The following KCNIP4 variants were observed in gnomAD, a reference collection of about 807,000 sequenced individuals.
The protein encoded by KCNIP4 is Kv channel-interacting protein 4.
KCNIP4 carries 12 observed loss-of-function variants against 34.0 expected under a neutral mutation model. The observed-to-expected ratio is 0.35, with a 90% CI of 0.23 to 0.57. The LOEUF is 0.57. Among genes scored for constraint, KCNIP4 ranks in the 20% least tolerant of loss-of-function variants. The pLI, the probability that KCNIP4 is intolerant of heterozygous loss-of-function variation, is 0.83. For synonymous variants in KCNIP4, 124 were observed against 102.2 expected (o/e 1.21, Z -1.29); for missense variants, 238 against 311.7 (o/e 0.76, Z 1.78).
At chr4:21,452,063 G>A (rs994850648) in intron 1 of KCNIP4, among the ~76,000 whole-genome samples, 1 of 152,000 alleles carries the variant, frequency 6.6e-6, no homozygotes, top group Non-Finnish European at 1.5e-5. Context: ...CCTTCCAGAA[G>A]CTGGGAAGGA....
At chr4:21,882,883 T>C (rs16872041) in intron 1 of KCNIP4, among the ~76,000 whole-genome samples, 1,739 of 152,266 alleles carry the variant, frequency 0.011, 30 homozygotes, top group African/African-American at 0.039. Context: ...TCTGAGGTAC[T>C]ATAGTTTTGC....
intron 3 of KCNIP4, among the ~76,000 whole-genome samples, chr4:20,764,994 G>A (rs969522508): frequency 1.8e-4 from 28 of 152,148 alleles, no homozygotes; most frequent in African/African-American, 6.8e-4. Flanking sequence ...TAGACATGAG[G>A]ACAATGAGCT....
chr4:21,407,438 G>A lies in KCNIP4; in HGVS notation c.62-524729C>T, dbSNP rs535592616. On this transcript the variant is annotated intron_variant, in intron 1 of 8. Transcript: ENST00000382152. Reference sequence around the variant, plus strand: ...TTTTCCAAGGGAACGTAAGTGCCATGAAGTAGGAAATTTGTCTCTTTTTTT... The same window carrying A: ...TTTTCCAAGGGAACGTAAGTGCCATAAAGTAGGAAATTTGTCTCTTTTTTT... 6.4e-4 allele frequency among the ~76,000 whole-genome samples: 98 copies of A among 152,270 alleles called. 1 individual carries two copies. In the Middle Eastern group the frequency reaches 0.014, roughly 21 times the overall value.
intron 1 of KCNIP4, among the ~76,000 whole-genome samples, chr4:21,588,015 A>G (rs1741780417): frequency 6.6e-6 from 1 of 152,006 alleles, no homozygotes; most frequent in South Asian, 2.1e-4. Flanking sequence ...CTTAAAATCT[A>G]GCTTCCTGTT....
At chr4:21,147,956 A>AAAAAAAAAAAAAAAAAAAAAAAAAAT (rs1553945843) in intron 1 of KCNIP4, among the ~76,000 whole-genome samples, 1 of 128,418 alleles carries the variant, frequency 7.8e-6, no homozygotes, top group Non-Finnish European at 1.6e-5. Context: ...AAAAAAAAAA[A>AAAAAAAAAAAAAAAAAAAAAAAAAAT]AAAAGAAAAA....
intron 1 of KCNIP4, among the ~76,000 whole-genome samples, chr4:21,460,966 C>A (rs1197005796): frequency 6.6e-6 from 1 of 151,996 alleles, no homozygotes; most frequent in African/African-American, 2.4e-5. Context: ...AATACAGAAA[C>A]GGAGAGTCAA....
chr4:21,854,067 T>C (rs1286096951), intron 1 of KCNIP4, among the ~76,000 whole-genome samples: 19 of 152,210 alleles, frequency 1.2e-4, no homozygotes, highest in Admixed American at 1.2e-3. Flanking sequence ...TAACTGTTCA[T>C]AGCCCCAATA....
chr4:20,909,365 C>T (rs1297524699), intron 1 of KCNIP4, among the ~76,000 whole-genome samples: 1 of 152,182 alleles, frequency 6.6e-6, no homozygotes, highest in Non-Finnish European at 1.5e-5. Flanking sequence ...CCACGCTTCC[C>T]ATCATTAGAT....
intron 1 of KCNIP4, among the ~76,000 whole-genome samples, chr4:21,202,508 A>G (rs1756564778): frequency 6.6e-6 from 1 of 152,290 alleles, no homozygotes; most frequent in Middle Eastern, 3.4e-3. Flanking sequence ...AACAGGTTCA[A>G]TGGTACTCCA....
chr4:21,451,942 AT>A (rs1232105347), intron 1 of KCNIP4, among the ~76,000 whole-genome samples: 1 of 152,146 alleles, frequency 6.6e-6, no homozygotes, highest in Non-Finnish European at 1.5e-5. Flanking sequence ...ATTCTCATTC[AT>A]TTAAAAGAAA....
intron 1 of KCNIP4, among the ~76,000 whole-genome samples, chr4:21,046,975 A>G (rs1330836330): frequency 6.6e-6 from 1 of 152,210 alleles, no homozygotes; most frequent in African/African-American, 2.4e-5. Flanking sequence ...ATACAGAATG[A>G]GCCTACAGGA....
intron 1 of KCNIP4, among the ~76,000 whole-genome samples, chr4:21,125,226 A>G (rs537790719): frequency 2.8e-4 from 41 of 147,880 alleles, no homozygotes; most frequent in Admixed American, 2.3e-3. Context: ...ATTTTATTTT[A>G]TTTTATTGTG....
At chr4:21,282,459 A>AGT (rs34143880) in intron 1 of KCNIP4, among the ~76,000 whole-genome samples, 4,042 of 146,790 alleles carry the variant, frequency 0.028, 81 homozygotes, top group East Asian at 0.12. Context: ...AAGATGTGTG[A>AGT]GTGTGTGTGT....
At chr4:21,185,435 C>CTTCTTT (rs1454147454) in intron 1 of KCNIP4, among the ~76,000 whole-genome samples, 9 of 151,924 alleles carry the variant, frequency 5.9e-5, no homozygotes, top group African/African-American at 2.2e-4. Flanking sequence ...TCCTCTTCCT[C>CTTCTTT]TTCTTTTTCT....
intron 2 of KCNIP4, among the ~76,000 whole-genome samples, chr4:20,869,594 A>G (rs1171601270): frequency 1.3e-5 from 2 of 152,006 alleles, no homozygotes; most frequent in Non-Finnish European, 2.9e-5. Flanking sequence ...TCTTGGGTCT[A>G]TTTCCCACCT....
At chr4:21,286,665 T>C (rs914235120) in intron 1 of KCNIP4, among the ~76,000 whole-genome samples, 1 of 152,212 alleles carries the variant, frequency 6.6e-6, no homozygotes, top group African/African-American at 2.4e-5. Context: ...GTAACATTTA[T>C]GACATATGCT....
At chr4:21,521,114 C>G (rs1032552930) in intron 1 of KCNIP4, among the ~76,000 whole-genome samples, 16 of 152,154 alleles carry the variant, frequency 1.1e-4, no homozygotes, top group African/African-American at 3.9e-4. Flanking sequence ...CTTTGAAACA[C>G]AGTGCTCCTT....
chr4:21,445,931 A>C (rs1418947187), intron 1 of KCNIP4, among the ~76,000 whole-genome samples: 1 of 152,248 alleles, frequency 6.6e-6, no homozygotes, highest in Non-Finnish European at 1.5e-5. Context: ...TTACAAGAAA[A>C]AAACAAACAA....
chr4:20,928,600 A>G (rs1310896501), intron 1 of KCNIP4, among the ~76,000 whole-genome samples: 1 of 151,964 alleles, frequency 6.6e-6, no homozygotes, highest in African/African-American at 2.4e-5. Flanking sequence ...AAGTTAGTGG[A>G]AAAAAGAAAA....
Sources: allele counts gnomAD v4.1 joint callset (sites outside exome capture counted in the v4.1 genomes callset), GRCh38; gene constraint gnomAD v4.1.1; transcripts MANE v1.5; gene names NCBI Gene and HGNC (gene_info 2026-07-23, HGNC 2026-07-21).